Variants in DUSP5 observed in about 807,000 individuals in gnomAD.
The protein encoded by DUSP5 is dual specificity protein phosphatase 5.
A neutral mutation model predicts 33.6 loss-of-function variants in DUSP5; 22 were observed. The ratio of observed to expected loss-of-function variants is 0.66; its 90% CI spans 0.47 to 0.94. The LOEUF is 0.94. DUSP5 is among the 40% of genes least tolerant of loss of function. DUSP5 has a pLI of 0.00. For missense variants in DUSP5, 551 were observed against 522.1 expected, an observed-to-expected ratio of 1.06 and a Z score of -0.54; for synonymous variants, 270 against 231.1, an observed-to-expected ratio of 1.17 and a Z score of -1.53.
intron 3 of DUSP5, among the ~76,000 whole-genome samples, chr10:110,508,903 C>T (rs1191944635): frequency 2.6e-5 from 4 of 152,140 alleles, no homozygotes; most frequent in African/African-American, 7.2e-5. Flanking sequence ...CTCCCTGATG[C>T]CTCAGAAATT....
At chr10:110,501,654 C>T (rs1042053094) in intron 1 of DUSP5, among the ~76,000 whole-genome samples, 10 of 152,090 alleles carry the variant, frequency 6.6e-5, no homozygotes, top group Non-Finnish European at 1.3e-4. Flanking sequence ...ATTCTCTGGG[C>T]CAGAAAAAGA....
chr10:110,509,393 C>T (rs979909871), intron 3 of DUSP5, among the ~76,000 whole-genome samples: 14 of 152,148 alleles, frequency 9.2e-5, no homozygotes, highest in Admixed American at 5.9e-4. Context: ...AGTGGCCATG[C>T]GCTATTTATT....
In DUSP5 at chr10:110,502,772, A is replaced by G. The variant is rs759429934; in HGVS notation, c.431A>G (p.Lys144Arg). The change falls in exon 2 of 4, where the codon AAA becomes AGA. Residue 144 changes from lysine (K) to arginine (R), a missense_variant. Transcript: ENST00000369583. ...TATCCTGAGTGTTGCGTGGATGTAA[A>G]ACCCATTTCACAAGAGAAGATTGAG... ...SEYPECCVDV[K>R]PISQEKIESE... is the part of the protein sequence containing the mutation. 1 of 1,614,146 alleles carries G rather than the reference A, an allele frequency of 6.2e-7. No homozygotes were observed. The highest frequency in any genetic ancestry group is 8.5e-7 in the Non-Finnish European group (1 of 1,180,036).
chr10:110,503,819 C>G (rs1304401889), intron 2 of DUSP5, among the ~76,000 whole-genome samples: 1 of 152,222 alleles, frequency 6.6e-6, no homozygotes, highest in Non-Finnish European at 1.5e-5. Context: ...GACACCTGAC[C>G]TGGTGGGAGT....
chr10:110,502,690 A>G (rs1320045931), intron 1 of DUSP5, 31 bp from the exon 2 acceptor site: 7 of 1,607,664 alleles, frequency 4.4e-6, no homozygotes, highest in African/African-American at 4.0e-5. Flanking sequence ...GATGCTTACC[A>G]TCTGTCTCAC....
Position 110,498,350 on chromosome 10 carries a change from C to T in DUSP5, c.229C>T (p.Gln77Ter). The change falls in exon 1 of 4, where the codon CAG becomes TAG. Residue 77 changes from glutamine (Q) to a stop codon, truncating the protein, a stop_gained. Coordinates refer to ENST00000369583, the MANE Select transcript of DUSP5 (RefSeq NM_004419.4). LOFTEE classifies it high-confidence loss of function. Reference protein sequence around the residue: ...PDEAARARLLQEGGGGVAAVV... With the variant: ...PDEAARARLL ...CGAGGCGGCGCGCGCGCGGCTCCTG[C>T]AGGAGGGCGGCGGCGGCGTCGCGGC... 7.2e-7 allele frequency: 1 copy of T among 1,383,772 alleles called. No individual in the cohort carries two copies. The highest frequency in any genetic ancestry group is 9.4e-7 in the Non-Finnish European group (1 of 1,067,896). The allele number at this position is 1,383,772 out of a possible 1,614,324, so 85.7% of individuals were successfully genotyped here.
chr10:110,505,493 AC>A (rs1860107072), intron 2 of DUSP5, among the ~76,000 whole-genome samples: 1 of 152,226 alleles, frequency 6.6e-6, no homozygotes, highest in South Asian at 2.1e-4. Flanking sequence ...CTTTGCTTAA[AC>A]ACTTGACTTC....
chr10:110,499,168 T>G (rs993923744), intron 1 of DUSP5, among the ~76,000 whole-genome samples: 3 of 152,006 alleles, frequency 2.0e-5, no homozygotes, highest in Non-Finnish European at 4.4e-5. Flanking sequence ...GAGCTGAGCC[T>G]ACAGCCAGCC....
intron 1 of DUSP5, among the ~76,000 whole-genome samples, chr10:110,498,739 G>A (rs1431803194): frequency 6.6e-6 from 1 of 152,196 alleles, no homozygotes; most frequent in African/African-American, 2.4e-5. Context: ...GGTCTGGGTG[G>A]AGTTGGTTAT....
At position 110,507,164 on chromosome 10, in the gene DUSP5, G is replaced by C. The variant is rs781204119; in HGVS notation, c.748+10G>C. ...GCAATAGACTTCATTGGTAGGTTTAGCCATTCCCCTTCAGTTATTTTGGGA... is the reference window on the plus strand; with the variant it reads ...GCAATAGACTTCATTGGTAGGTTTACCCATTCCCCTTCAGTTATTTTGGGA... On this transcript the variant is annotated intron_variant, in intron 3 of 3. Transcript: ENST00000369583. 6.2e-7 allele frequency: 1 copy of C among 1,609,566 alleles called. No homozygotes were observed. The highest frequency in any genetic ancestry group is 8.5e-7 in the Non-Finnish European group (1 of 1,178,384).
At chr10:110,509,528 TCA>T (rs1191789712) in intron 3 of DUSP5, among the ~76,000 whole-genome samples, 1 of 152,198 alleles carries the variant, frequency 6.6e-6, no homozygotes, top group Non-Finnish European at 1.5e-5. Context: ...ACCCTTAGAA[TCA>T]GACCTGGAGA....
At chr10:110,506,248 A>G (rs1381779881) in intron 2 of DUSP5, among the ~76,000 whole-genome samples, 2 of 152,068 alleles carry the variant, frequency 1.3e-5, no homozygotes, top group Non-Finnish European at 2.9e-5. Context: ...TGGGCAACAT[A>G]GCAAGAACTC....
intron 1 of DUSP5, among the ~76,000 whole-genome samples, chr10:110,498,968 C>G (rs548494809): frequency 6.6e-6 from 1 of 152,320 alleles, no homozygotes; most frequent in East Asian, 1.9e-4. Flanking sequence ...GTGGTCTTCA[C>G]CGACCCCCTT....
chr10:110,507,508 T>C (rs1028733139), intron 3 of DUSP5, among the ~76,000 whole-genome samples: 2 of 152,098 alleles, frequency 1.3e-5, no homozygotes, highest in Non-Finnish European at 2.9e-5. Flanking sequence ...TGCTTCTACG[T>C]AGGTTGGGTT....
chr10:110,509,298 G>A (rs1400852833), intron 3 of DUSP5, among the ~76,000 whole-genome samples: 1 of 152,176 alleles, frequency 6.6e-6, no homozygotes, highest in Admixed American at 6.5e-5. Context: ...TTATAGCAGC[G>A]ACTCCCATTG....
At chr10:110,504,325 G>A (rs1406899415) in intron 2 of DUSP5, among the ~76,000 whole-genome samples, 1 of 152,242 alleles carries the variant, frequency 6.6e-6, no homozygotes, top group African/African-American at 2.4e-5. Context: ...GCAGCCAGAT[G>A]AGGTTGTGTT....
chr10:110,499,850 T>C (rs1021446755), intron 1 of DUSP5, among the ~76,000 whole-genome samples: 5 of 152,186 alleles, frequency 3.3e-5, no homozygotes, highest in African/African-American at 4.8e-5. Context: ...CTCAGTAGTA[T>C]GAAAGAGGTT....
chr10:110,507,258 G>GTCT (rs1276493750), intron 3 of DUSP5, 104 bp downstream of exon 3: 8 of 1,207,284 alleles, frequency 6.6e-6, no homozygotes, highest in Non-Finnish European at 9.3e-6. Context: ...AAAGAAAAGT[G>GTCT]TCTTGTATAT....
intron 2 of DUSP5, among the ~76,000 whole-genome samples, chr10:110,503,242 G>C (rs1262884619): frequency 1.3e-5 from 2 of 152,206 alleles, no homozygotes; most frequent in Non-Finnish European, 2.9e-5. Context: ...TGACTTTCAG[G>C]CTTCCTGTGT....
Sources: gnomAD v4.1 joint callset for allele counts (sites outside exome capture counted in the v4.1 genomes callset) on GRCh38, gnomAD v4.1.1 for gene constraint, MANE v1.5 for transcripts, NCBI Gene and HGNC (gene_info 2026-07-23, HGNC 2026-07-21) for gene names.